The following NRG3 variants were observed in gnomAD, a reference collection of about 807,000 sequenced individuals.
NRG3 encodes the protein pro-neuregulin-3, membrane-bound isoform.
A neutral mutation model predicts 66.9 loss-of-function variants in NRG3; 31 were observed. That is an observed-to-expected ratio of 0.46 (90% CI 0.35 to 0.63). The LOEUF (loss-of-function observed/expected upper bound fraction) is 0.63. Ranked by LOEUF, NRG3 falls within the 20% of genes least tolerant of loss-of-function variation. NRG3 has a pLI of 0.00. For missense variants in NRG3, 910 were observed against 878.9 expected (o/e 1.04, Z -0.45); for synonymous variants, 393 against 359.4 (o/e 1.09, Z -1.06).
At chr10:82,885,777 G>GT (rs984123910) in intron 4 of NRG3, among the ~76,000 whole-genome samples, 1 of 152,156 alleles carries the variant, frequency 6.6e-6, no homozygotes, top group Non-Finnish European at 1.5e-5. Context: ...GCCCAGTCTG[G>GT]TTGCGAACTC....
chr10:82,267,438 A>G (rs1649964), intron 1 of NRG3, among the ~76,000 whole-genome samples: 151,602 of 152,274 alleles, frequency 1, 75,470 homozygotes, highest in East Asian at 1. Context: ...AAGAAAGGAA[A>G]GCTTCCAAAG....
At chr10:82,561,945 C>A (rs540372598) in intron 2 of NRG3, among the ~76,000 whole-genome samples, 4 of 152,194 alleles carry the variant, frequency 2.6e-5, no homozygotes, top group Admixed American at 6.5e-5. Flanking sequence ...TATTAAGCAC[C>A]AAAGTTACTT....
At chr10:82,317,276 G>A (rs1047374099) in intron 1 of NRG3, among the ~76,000 whole-genome samples, 1 of 151,064 alleles carries the variant, frequency 6.6e-6, no homozygotes, top group Non-Finnish European at 1.5e-5. Context: ...AGTTTGCCAA[G>A]CTAAAGATTT....
At chr10:82,582,066 C>A (rs2046385717) in intron 2 of NRG3, among the ~76,000 whole-genome samples, 1 of 151,998 alleles carries the variant, frequency 6.6e-6, no homozygotes, top group Non-Finnish European at 1.5e-5. Context: ...TTCTTCTTTG[C>A]CATTTCCTTA....
At chr10:82,343,019 TAG>T (rs1201240494) in intron 1 of NRG3, among the ~76,000 whole-genome samples, 1 of 152,112 alleles carries the variant, frequency 6.6e-6, no homozygotes, top group Non-Finnish European at 1.5e-5. Context: ...ATTTATTGAA[TAG>T]AGTGTCCTCT....
chr10:82,259,942 AC>A (rs144558442), intron 1 of NRG3, among the ~76,000 whole-genome samples: 52,433 of 151,072 alleles, frequency 0.35, 9,819 homozygotes, highest in African/African-American at 0.49. Context: ...TATTAAAAAA[AC>A]AAAACAAAAC....
intron 1 of NRG3, among the ~76,000 whole-genome samples, chr10:81,957,935 A>T (rs1250092857): frequency 6.6e-6 from 1 of 152,214 alleles, no homozygotes; most frequent in Non-Finnish European, 1.5e-5. Flanking sequence ...GCCAACCTTA[A>T]CATTTATTCT....
At chr10:82,626,597 AC>A (rs1358202282) in intron 2 of NRG3, among the ~76,000 whole-genome samples, 1 of 152,166 alleles carries the variant, frequency 6.6e-6, no homozygotes, top group Non-Finnish European at 1.5e-5. Context: ...AGAGAGCATT[AC>A]CTTTAAAAAT....
intron 1 of NRG3, among the ~76,000 whole-genome samples, chr10:82,338,516 AT>A (rs1293213547): frequency 6.6e-6 from 1 of 152,150 alleles, no homozygotes; most frequent in Non-Finnish European, 1.5e-5. Context: ...ATCTGAACTG[AT>A]TTCCTCACTT....
chr10:82,629,871 C>T (rs543080668), intron 2 of NRG3, among the ~76,000 whole-genome samples: 5 of 152,248 alleles, frequency 3.3e-5, no homozygotes, highest in African/African-American at 9.6e-5. Context: ...ATGATTTCCT[C>T]AAGAATACCT....
intron 1 of NRG3, among the ~76,000 whole-genome samples, chr10:81,937,363 G>A (rs1456912624): frequency 1.3e-5 from 2 of 151,990 alleles, no homozygotes; most frequent in African/African-American, 4.8e-5. Flanking sequence ...TGTTTCCATA[G>A]CAGCTACACC....
At chr10:82,111,171 C>G (rs1290597711) in intron 1 of NRG3, among the ~76,000 whole-genome samples, 1 of 152,152 alleles carries the variant, frequency 6.6e-6, no homozygotes, top group Non-Finnish European at 1.5e-5. Flanking sequence ...AAATAAGATA[C>G]TTGCTTATTT....
chr10:82,640,285 A>G (rs962449424), intron 2 of NRG3, among the ~76,000 whole-genome samples: 1 of 152,242 alleles, frequency 6.6e-6, no homozygotes, highest in Admixed American at 6.5e-5. Context: ...GGTAGACTTG[A>G]TAAATAAAAT....
At position 82,702,762 on chromosome 10, in the gene NRG3, A is replaced by G. The variant is rs78672744; in HGVS notation, c.954-35815A>G. 2.4e-3 allele frequency among the ~76,000 whole-genome samples: 369 copies of G among 152,264 alleles called. 4 individuals are homozygous for G. Among genetic ancestry groups the G allele is most frequent in the African/African-American group, 8.4e-3 (350 of 41,562 alleles). On this transcript the variant is annotated intron_variant, in intron 2 of 8. Coordinates refer to ENST00000372141, the MANE Select transcript of NRG3 (RefSeq NM_001010848.4). The stretch of plus-strand genomic sequence containing the variant: ...TTTGATGATTCCTTGAGTGATCCAG[A>G]TGTACTGAGCTGGGGATGTTTTGGA...
intron 3 of NRG3, among the ~76,000 whole-genome samples, chr10:82,795,666 T>C (rs2060771252): frequency 6.6e-6 from 1 of 152,142 alleles, no homozygotes; most frequent in Non-Finnish European, 1.5e-5. Context: ...AAGTAGGAAA[T>C]AGAAAAATGG....
At chr10:82,863,208 G>GCATAGTATT (rs1258904587) in intron 3 of NRG3, among the ~76,000 whole-genome samples, 1 of 151,836 alleles carries the variant, frequency 6.6e-6, no homozygotes, top group Non-Finnish European at 1.5e-5. Context: ...TTTTATGACT[G>GCATAGTATT]CATAGTATTC....
At chr10:82,392,001 AAAAAAAAAAC>A (rs1184759848) in intron 2 of NRG3, among the ~76,000 whole-genome samples, 15 of 148,652 alleles carry the variant, frequency 1.0e-4, no homozygotes, top group African/African-American at 3.3e-4. Flanking sequence ...TGCAAAAAAA[AAAAAAAAAAC>A]AAAAAAAAAA....
chr10:82,180,142 G>A (rs2073314776), intron 1 of NRG3, among the ~76,000 whole-genome samples: 1 of 151,792 alleles, frequency 6.6e-6, no homozygotes, highest in African/African-American at 2.4e-5. Context: ...TTTTGTGTGT[G>A]TGTGTGTGAA....
chr10:82,568,984 A>G (rs2045576361), intron 2 of NRG3, among the ~76,000 whole-genome samples: 1 of 151,750 alleles, frequency 6.6e-6, no homozygotes, highest in African/African-American at 2.4e-5. Flanking sequence ...GCCTTCTAAC[A>G]TGTCAGGTTC....
Sources: gnomAD v4.1 joint callset for allele counts (sites outside exome capture counted in the v4.1 genomes callset) on GRCh38, gnomAD v4.1.1 for gene constraint, MANE v1.5 for transcripts, NCBI Gene and HGNC (gene_info 2026-07-23, HGNC 2026-07-21) for gene names.